WIF1: variants seen among roughly 807,000 people sequenced by gnomAD.
The protein encoded by WIF1 is Wnt inhibitory factor 1.
Under a neutral mutation model 53.5 loss-of-function variants are expected in WIF1, and 35 were observed. The observed-to-expected ratio is 0.65, with a 90% CI of 0.50 to 0.87. WIF1 has a LOEUF of 0.87. Ranked by LOEUF, WIF1 falls within the 40% of genes least tolerant of loss-of-function variation. The pLI, the probability that WIF1 is intolerant of heterozygous loss-of-function variation, is 0.00. For missense variants in WIF1, 467 were observed against 476.8 expected (o/e 0.98, Z 0.19); for synonymous variants, 171 against 170.4 (o/e 1.00, Z -0.03).
At chr12:65,106,184 G>A (rs1038395673) in intron 2 of WIF1, among the ~76,000 whole-genome samples, 1 of 152,104 alleles carries the variant, frequency 6.6e-6, no homozygotes, top group Admixed American at 6.5e-5. Flanking sequence ...ATGCCTGCAT[G>A]AGCAGTAGAG....
At chr12:65,056,324 T>C (rs560633186) in intron 7 of WIF1, among the ~76,000 whole-genome samples, 198 bp from the exon 8 acceptor site, 1 of 150,978 alleles carries the variant, frequency 6.6e-6, no homozygotes, top group Non-Finnish European at 1.5e-5. Flanking sequence ...TAACTTATGC[T>C]TTTGGATTAT....
intron 2 of WIF1, among the ~76,000 whole-genome samples, chr12:65,083,299 C>T (rs1308353854): frequency 6.6e-6 from 1 of 151,992 alleles, no homozygotes; most frequent in Admixed American, 6.6e-5. Flanking sequence ...TGTTAAAGAC[C>T]CAAACAAAAC....
chr12:65,060,245 G>A (rs1479921543), intron 7 of WIF1, among the ~76,000 whole-genome samples: 4 of 152,146 alleles, frequency 2.6e-5, no homozygotes, highest in Non-Finnish European at 5.9e-5. Context: ...CTCACACGCA[G>A]ATTTTCATAG....
chr12:65,109,705 T>G (rs1029824991), intron 2 of WIF1, among the ~76,000 whole-genome samples: 1 of 152,260 alleles, frequency 6.6e-6, no homozygotes, highest in Non-Finnish European at 1.5e-5. Context: ...CTCTGAAGTA[T>G]ATAAATATGT....
At chr12:65,057,458 G>A (rs888724078) in intron 7 of WIF1, among the ~76,000 whole-genome samples, 3 of 152,262 alleles carry the variant, frequency 2.0e-5, no homozygotes, top group Admixed American at 6.5e-5. Flanking sequence ...TTATCCCTCT[G>A]CAATCTAGAA....
At chr12:65,077,652 C>A in intron 3 of WIF1, 94 bp downstream of exon 3, 1 of 921,038 alleles carries the variant, frequency 1.1e-6, no homozygotes, top group South Asian at 1.7e-5. Flanking sequence ...GAAAACATTT[C>A]ATAACCTCTC....
chr12:65,059,156 G>A (rs1465066083), intron 7 of WIF1, among the ~76,000 whole-genome samples: 1 of 152,048 alleles, frequency 6.6e-6, no homozygotes, highest in African/African-American at 2.4e-5. Context: ...ATGAGTCCTT[G>A]TAAGAAGAAT....
chr12:65,062,650 G>A, intron 6 of WIF1, 74 bp from the exon 7 acceptor site: 1 of 1,385,012 alleles, frequency 7.2e-7, no homozygotes, highest in South Asian at 1.3e-5. Context: ...TTAAAGTGAG[G>A]TGCTATTTTT....
chr12:65,111,767 T>C (rs1164372866), intron 2 of WIF1, among the ~76,000 whole-genome samples: 1 of 152,246 alleles, frequency 6.6e-6, no homozygotes, highest in Admixed American at 6.5e-5. Context: ...GCATGATTTG[T>C]GTTCTGGCCC....
In WIF1 at chr12:65,108,047, A is replaced by G. The variant is rs79518379; in HGVS notation, c.288+12370T>C. Among the ~76,000 whole-genome samples, 12 of 152,306 alleles carry G rather than the reference A, an allele frequency of 7.9e-5. No individual in the cohort carries two copies. The East Asian group carries it at 2.3e-3, about 29-fold the overall frequency. On this transcript the variant is annotated intron_variant, in intron 2 of 9. Coordinates refer to ENST00000286574, the MANE Select transcript of WIF1 (RefSeq NM_007191.5). Reference sequence around the variant, plus strand: ...TGCTCTGAAGAACACCAGGAACCCTATGCAGATAATTCACTCCTCCCCCAG... The same window carrying G: ...TGCTCTGAAGAACACCAGGAACCCTGTGCAGATAATTCACTCCTCCCCCAG...
At chr12:65,107,939 T>C (rs1342129533) in intron 2 of WIF1, among the ~76,000 whole-genome samples, 4 of 152,160 alleles carry the variant, frequency 2.6e-5, no homozygotes, top group Non-Finnish European at 5.9e-5. Flanking sequence ...GGCCCAATTA[T>C]CTCAAGTACA....
At chr12:65,079,164 CAAAAAA>C (rs1226121849) in intron 2 of WIF1, among the ~76,000 whole-genome samples, 28 of 80,112 alleles carry the variant, frequency 3.5e-4, no homozygotes, top group African/African-American at 1.5e-3. Context: ...GACTCCATCT[CAAAAAA>C]AAAAAAAAAA....
intron 2 of WIF1, among the ~76,000 whole-genome samples, chr12:65,110,554 G>C (rs908354782): frequency 6.6e-6 from 1 of 152,186 alleles, no homozygotes; most frequent in Admixed American, 6.5e-5. Context: ...ATCAGAGCAA[G>C]GGCTGGATCC....
At position 65,121,032 on chromosome 12, in the gene WIF1, C is replaced by CG; in HGVS notation, c.148+11dup. Reference sequence around the variant, plus strand: ...CATAGGCAGGGGAAGGCGCTGGAGGCGGGGGCCTTACCTATGAGTACTCTT... The same window carrying CG: ...CATAGGCAGGGGAAGGCGCTGGAGGCGGGGGGCCTTACCTATGAGTACTCTT... On this transcript the variant is annotated intron_variant, in intron 1 of 9. Coordinates refer to ENST00000286574, the MANE Select transcript of WIF1 (RefSeq NM_007191.5). 1.4e-6 allele frequency: 2 copies of CG among 1,450,178 alleles called. No homozygotes were observed. The highest frequency in any genetic ancestry group is 5.5e-5 in the East Asian group (2 of 36,196). 89.8% of individuals were successfully genotyped at this position (1,450,178 alleles called of 1,614,324 possible). A position where few individuals can be genotyped will look rare whatever the true frequency, so the allele number is the denominator to read the frequency against.
chr12:65,079,907 TAAAG>T (rs1255194157), intron 2 of WIF1, among the ~76,000 whole-genome samples: 1 of 152,156 alleles, frequency 6.6e-6, no homozygotes, highest in Non-Finnish European at 1.5e-5. Flanking sequence ...ATCTATTAAT[TAAAG>T]AAATTACATT....
At chr12:65,111,590 C>G (rs1883431591) in intron 2 of WIF1, among the ~76,000 whole-genome samples, 1 of 152,184 alleles carries the variant, frequency 6.6e-6, no homozygotes, top group Non-Finnish European at 1.5e-5. Flanking sequence ...TGAGACTCAG[C>G]TCTGGAGTTA....
intron 6 of WIF1, among the ~76,000 whole-genome samples, chr12:65,065,999 G>T (rs1882681393): frequency 6.6e-6 from 1 of 152,140 alleles, no homozygotes; most frequent in Non-Finnish European, 1.5e-5. Context: ...TCTAGGTTAG[G>T]CAATGTAGAG....
intron 5 of WIF1, 77 bp from the exon 6 acceptor site, chr12:65,066,813 A>G (rs1213814402): frequency 3.0e-6 from 3 of 987,598 alleles, no homozygotes; most frequent in Non-Finnish European, 4.4e-6. Context: ...CAATAATACA[A>G]CAGGTCTACA....
chr12:65,085,091 T>C (rs1264309294), intron 2 of WIF1, among the ~76,000 whole-genome samples: 1 of 152,200 alleles, frequency 6.6e-6, no homozygotes, highest in African/African-American at 2.4e-5. Context: ...TGCCCAAGGC[T>C]CTTCTGGTTT....
Sources: gnomAD v4.1 joint callset for allele counts (sites outside exome capture counted in the v4.1 genomes callset) on GRCh38, gnomAD v4.1.1 for gene constraint, MANE v1.5 for transcripts, NCBI Gene and HGNC (gene_info 2026-07-23, HGNC 2026-07-21) for gene names.